Variants in NEGR1 observed in about 807,000 individuals in gnomAD.
The protein encoded by NEGR1 is IgLON family member 4.
NEGR1 carries 10 observed loss-of-function variants against 40.9 expected under a neutral mutation model. The ratio of observed to expected loss-of-function variants is 0.24; its 90% confidence interval spans 0.15 to 0.42. NEGR1 has a LOEUF of 0.42. Among genes scored for constraint, NEGR1 ranks in the 10% least tolerant of loss-of-function variants. NEGR1 has a pLI of 1.00. For synonymous variants in NEGR1, 185 were observed against 166.8 expected (o/e 1.11, Z -0.84); for missense variants, 352 against 438.9 (o/e 0.80, Z 1.77).
intron 1 of NEGR1, among the ~76,000 whole-genome samples, chr1:72,112,006 G>T (rs1569983535): frequency 1.3e-5 from 2 of 151,684 alleles, no homozygotes; most frequent in Admixed American, 1.3e-4. Flanking sequence ...ATTCTGTGAA[G>T]GGAGATTAGT....
At chr1:71,715,100 G>C (rs1353966210) in intron 3 of NEGR1, among the ~76,000 whole-genome samples, 2 of 152,178 alleles carry the variant, frequency 1.3e-5, no homozygotes, top group Non-Finnish European at 2.9e-5. Context: ...TGACATCTGT[G>C]CATCTGTAGG....
chr1:71,698,430 T>G (rs1464414460), intron 3 of NEGR1, among the ~76,000 whole-genome samples: 1 of 151,868 alleles, frequency 6.6e-6, no homozygotes, highest in Non-Finnish European at 1.5e-5. Flanking sequence ...TCTGCACATT[T>G]CTGTAATTGA....
intron 1 of NEGR1, among the ~76,000 whole-genome samples, chr1:72,151,736 T>G (rs538731526): frequency 6.6e-6 from 1 of 151,966 alleles, no homozygotes; most frequent in South Asian, 2.1e-4. Context: ...AGAAAAAAAT[T>G]GATTTCTTCA....
chr1:71,819,944 T>G (rs1389837733), intron 2 of NEGR1, among the ~76,000 whole-genome samples: 1 of 152,008 alleles, frequency 6.6e-6, no homozygotes, highest in African/African-American at 2.4e-5. Context: ...AAAAATTCCC[T>G]GATAGCTCTC....
intron 1 of NEGR1, among the ~76,000 whole-genome samples, chr1:72,025,788 G>C (rs1387996598): frequency 1.3e-5 from 2 of 152,142 alleles, no homozygotes; most frequent in Admixed American, 6.5e-5. Context: ...CTACGTTGCA[G>C]TTCTGGAGAA....
chr1:71,933,960 T>A (rs988182876), intron 2 of NEGR1, among the ~76,000 whole-genome samples: 3 of 152,080 alleles, frequency 2.0e-5, no homozygotes, highest in African/African-American at 7.2e-5. Context: ...ATTAACAATC[T>A]TTTTCAGACT....
chr1:72,093,989 A>C (rs1029337202), intron 1 of NEGR1, among the ~76,000 whole-genome samples: 1 of 152,184 alleles, frequency 6.6e-6, no homozygotes, highest in African/African-American at 2.4e-5. Context: ...TTAATGGTCA[A>C]TAATAATAAG....
At chr1:72,037,438 A>G (rs1646912913) in intron 1 of NEGR1, among the ~76,000 whole-genome samples, 1 of 152,104 alleles carries the variant, frequency 6.6e-6, no homozygotes, top group African/African-American at 2.4e-5. Context: ...AAGCCACATA[A>G]TTAATAACTG....
At chr1:71,714,118 A>G (rs1179823380) in intron 3 of NEGR1, among the ~76,000 whole-genome samples, 1 of 152,152 alleles carries the variant, frequency 6.6e-6, no homozygotes, top group Non-Finnish European at 1.5e-5. Context: ...GAGACTTACA[A>G]TCATTGCAGA....
At chr1:71,605,444 C>T (rs1444571609) in intron 5 of NEGR1, among the ~76,000 whole-genome samples, 1 of 152,134 alleles carries the variant, frequency 6.6e-6, no homozygotes, top group South Asian at 2.1e-4. Flanking sequence ...TCATCTAAGA[C>T]AAGACGGTAA....
intron 1 of NEGR1, among the ~76,000 whole-genome samples, chr1:72,250,845 G>GT (rs1004906107): frequency 1.3e-5 from 2 of 152,164 alleles, no homozygotes; most frequent in African/African-American, 4.8e-5. Flanking sequence ...CAATAGGGCT[G>GT]TATCTATACA....
intron 1 of NEGR1, among the ~76,000 whole-genome samples, chr1:71,945,388 T>A (rs1336670202): frequency 2.0e-5 from 3 of 152,038 alleles, no homozygotes; most frequent in African/African-American, 7.2e-5. Flanking sequence ...ACAATACTAC[T>A]GCCAGTAATA....
intron 3 of NEGR1, among the ~76,000 whole-genome samples, chr1:71,761,674 A>G (rs1655946657): frequency 6.6e-6 from 1 of 152,134 alleles, no homozygotes; most frequent in Admixed American, 6.5e-5. Context: ...ATAATGACTG[A>G]CATCTTTTAT....
chr1:71,425,744 G>T (rs928080076), intron 6 of NEGR1, among the ~76,000 whole-genome samples: 1 of 152,020 alleles, frequency 6.6e-6, no homozygotes, highest in Non-Finnish European at 1.5e-5. Flanking sequence ...TAACTCTTTT[G>T]TGGTCAAATA....
At chr1:71,441,370 G>A (rs564959429) in intron 6 of NEGR1, among the ~76,000 whole-genome samples, 9 of 152,320 alleles carry the variant, frequency 5.9e-5, no homozygotes, top group Middle Eastern at 3.4e-3. Context: ...ACTGGGGGCA[G>A]TATGTATTTC....
chr1:71,530,477 T>C (rs17091331), intron 6 of NEGR1, among the ~76,000 whole-genome samples: 2,168 of 151,440 alleles, frequency 0.014, 39 homozygotes, highest in African/African-American at 0.05. Flanking sequence ...ACATACTCTT[T>C]AAATCCTTGC....
At chr1:71,960,292 T>A (rs1158770418) in intron 1 of NEGR1, among the ~76,000 whole-genome samples, 1 of 152,144 alleles carries the variant, frequency 6.6e-6, no homozygotes, top group Non-Finnish European at 1.5e-5. Flanking sequence ...GGGAAAAAAA[T>A]TGTGTTTGCC....
intron 2 of NEGR1, among the ~76,000 whole-genome samples, chr1:71,918,217 A>AG (rs1406606761): frequency 1.4e-4 from 4 of 28,694 alleles, no homozygotes; most frequent in Non-Finnish European, 2.2e-4. Flanking sequence ...ACTCTGTCTC[A>AG]AAAAAAAAAA....
intron 3 of NEGR1, among the ~76,000 whole-genome samples, chr1:71,713,242 A>G (rs1299057020): frequency 6.6e-6 from 1 of 152,184 alleles, no homozygotes; most frequent in African/African-American, 2.4e-5. Flanking sequence ...TTTCTGCCAT[A>G]TCGATGTGTC....
Sources: gnomAD v4.1 joint callset for allele counts (sites outside exome capture counted in the v4.1 genomes callset) on GRCh38, gnomAD v4.1.1 for gene constraint, MANE v1.5 for transcripts, NCBI Gene and HGNC (gene_info 2026-07-23, HGNC 2026-07-21) for gene names.